The following GLIS3 variants were observed in gnomAD, a reference collection of about 807,000 sequenced individuals.
GLIS3 encodes zinc finger protein GLIS3.
GLIS3 carries 53 observed loss-of-function variants against 78.6 expected under a neutral mutation model. The observed-to-expected ratio is 0.67, with a 90% CI of 0.54 to 0.85. The LOEUF is 0.85. GLIS3 is among the 40% of genes least tolerant of loss of function. GLIS3 has a pLI of 0.00. For synonymous variants in GLIS3, 684 were observed against 509.9 expected, an observed-to-expected ratio of 1.34 and a Z score of -4.60; for missense variants, 1,703 against 1,231.1, an observed-to-expected ratio of 1.38 and a Z score of -5.74.
chr9:4,327,112 G>T (rs1479118526), intron 2 of GLIS3, among the ~76,000 whole-genome samples: 1 of 152,214 alleles, frequency 6.6e-6, no homozygotes, highest in Non-Finnish European at 1.5e-5. Context: ...AAGTGGGACA[G>T]GAGCTGAGAG....
chr9:3,988,085 G>A (rs372164978), intron 4 of GLIS3, among the ~76,000 whole-genome samples: 141 of 152,092 alleles, frequency 9.3e-4, no homozygotes, highest in African/African-American at 3.4e-3. Flanking sequence ...GCTAATGACT[G>A]GGCTTTTTAA....
chr9:4,118,700 T>C lies in GLIS3; in HGVS notation c.778A>G (p.Met260Val), dbSNP rs1831938525. The change falls in exon 4 of 11, where the codon ATG becomes GTG. Residue 260 changes from methionine to valine, a missense_variant. Transcript: ENST00000381971. This position sits in a 1 kb window ranked among gnomAD's most constrained non-coding sequence, Gnocchi z 4.7. The stretch of plus-strand genomic sequence containing the variant: ...GAGTTAGAGACACTATTGCTGGACA[T>C]GGATGTCCCGGGAGGAAGGCTAAGG... Reference protein sequence around the residue: ...DLLSLPPGTSMSSNSVSNSLP... With the variant: ...DLLSLPPGTSVSSNSVSNSLP... The C allele has an allele frequency of 1.2e-6, 2 of 1,613,890 alleles. No homozygotes were observed. Among genetic ancestry groups the C allele is most frequent in the Admixed American group, 3.3e-5 (2 of 59,992 alleles).
At chr9:4,012,767 T>TTTTCA in intron 4 of GLIS3, among the ~76,000 whole-genome samples, 1 of 122,956 alleles carries the variant, frequency 8.1e-6, no homozygotes, top group African/African-American at 4.0e-5. Context: ...TTCTTTTTCT[T>TTTTCA]TTTTTTTTTT....
At chr9:4,387,830 A>G in the GLIS3 span, among the ~76,000 whole-genome samples, 2 of 152,242 alleles carry the variant, frequency 1.3e-5, no homozygotes, top group South Asian at 4.1e-4. Context: ...CTTTCACAAG[A>G]GAATTTAAAA....
Position 4,286,522 on chromosome 9 carries a change from G to A in GLIS3, c.-97C>T. On this transcript the variant is annotated splice_region_variant and 5_prime_UTR_variant, in exon 2 of 11. Transcript: ENST00000381971. ...AAGTTATCCATGGTGTGGGTTATAA[G>A]CCTGTTTAAAAAAATAAACGCAGGC... is the stretch of plus-strand genomic sequence containing the variant. The A allele has an allele frequency of 6.9e-7, 1 of 1,445,008 alleles. No individual in the cohort carries two copies. Among genetic ancestry groups the A allele is most frequent in the South Asian group, 1.2e-5 (1 of 84,882 alleles). The allele number at this position is 1,445,008 out of a possible 1,614,324, so 89.5% of individuals were successfully genotyped here.
intron 9 of GLIS3, among the ~76,000 whole-genome samples, chr9:3,831,764 G>C (rs899019427): frequency 1.3e-5 from 2 of 152,174 alleles, no homozygotes; most frequent in South Asian, 4.1e-4. Context: ...GTACATTTAT[G>C]TGATGGGAAT....
chr9:4,290,931 A>C (rs1485057959), intron 1 of GLIS3, among the ~76,000 whole-genome samples: 1 of 152,150 alleles, frequency 6.6e-6, no homozygotes, highest in Non-Finnish European at 1.5e-5. Flanking sequence ...ATATTATGAT[A>C]TGATAACCCA....
the GLIS3 span, among the ~76,000 whole-genome samples, chr9:4,477,873 G>A: frequency 1.3e-5 from 2 of 152,080 alleles, no homozygotes; most frequent in South Asian, 2.1e-4. Flanking sequence ...AATTCATTAT[G>A]TATATTATAC....
At position 4,259,244 on chromosome 9, in the gene GLIS3, C is replaced by CTTTT. The variant is rs751630404; in HGVS notation, c.388+26793_388+26794insAAAA. Among the ~76,000 whole-genome samples, 624 of 151,462 alleles carry CTTTT rather than the reference C, an allele frequency of 4.1e-3. 6 individuals carry two copies. The highest frequency in any genetic ancestry group is 0.014 in the African/African-American group (566 of 41,240). On this transcript the variant is annotated intron_variant, in intron 2 of 10. Coordinates refer to ENST00000381971, the MANE Select transcript of GLIS3 (RefSeq NM_001042413.2). ...GGTCAGGGTCTCCAGTTGCTCATTT[C>CTTTT]ATTTATTTATTTATTTATTTATTTA...
intron 8 of GLIS3, among the ~76,000 whole-genome samples, chr9:3,875,142 T>A (rs1225501995): frequency 6.6e-6 from 1 of 152,234 alleles, no homozygotes; most frequent in Non-Finnish European, 1.5e-5. Flanking sequence ...CCAAAGACGC[T>A]GAGTTCCTCT....
At chr9:4,382,348 T>C in the GLIS3 span, among the ~76,000 whole-genome samples, 2 of 152,218 alleles carry the variant, frequency 1.3e-5, no homozygotes, top group Non-Finnish European at 2.9e-5. Context: ...TTGAACAGTA[T>C]GTGTAGGGAA....
intron 4 of GLIS3, among the ~76,000 whole-genome samples, chr9:3,985,742 G>A (rs1371957264): frequency 9.2e-5 from 14 of 152,182 alleles, no homozygotes; most frequent in Non-Finnish European, 1.8e-4. Context: ...ATCTAAGATT[G>A]GGAAAGAAGT....
chr9:4,050,633 G>A (rs951696330), intron 4 of GLIS3, among the ~76,000 whole-genome samples: 50 of 152,088 alleles, frequency 3.3e-4, no homozygotes, highest in African/African-American at 1.1e-3. Context: ...AATCTTCCGA[G>A]GAATGTTTGA....
chr9:4,190,549 C>T (rs1818238790), intron 2 of GLIS3, among the ~76,000 whole-genome samples: 1 of 143,902 alleles, frequency 6.9e-6, no homozygotes, highest in South Asian at 2.6e-4. Flanking sequence ...ACCAAGTCTA[C>T]GTCTGATTGG....
At chr9:4,277,085 C>T (rs568869540) in intron 2 of GLIS3, among the ~76,000 whole-genome samples, 52 of 152,204 alleles carry the variant, frequency 3.4e-4, no homozygotes, top group African/African-American at 1.2e-3. Flanking sequence ...ATATTAACTG[C>T]ATCTCTTCAA....
At chr9:4,088,103 C>G (rs914349164) in intron 4 of GLIS3, among the ~76,000 whole-genome samples, 1 of 152,076 alleles carries the variant, frequency 6.6e-6, no homozygotes, top group African/African-American at 2.4e-5. Context: ...GTCTTCAACC[C>G]CAACATAACC....
the GLIS3 span, among the ~76,000 whole-genome samples, chr9:4,404,110 C>T: frequency 0.033 from 4,962 of 152,198 alleles, 125 homozygotes; most frequent in Middle Eastern, 0.061. Flanking sequence ...AAGACAAAAA[C>T]TGTAAGAAGA....
chr9:4,298,913 C>T (rs557733326), intron 1 of GLIS3, among the ~76,000 whole-genome samples: 17 of 152,224 alleles, frequency 1.1e-4, no homozygotes, highest in Admixed American at 3.3e-4. Flanking sequence ...TCCACAAACA[C>T]GTGGAACTTG....
chr9:4,304,264 T>A (rs1817170124), upstream of GLIS3, among the ~76,000 whole-genome samples: 1 of 152,234 alleles, frequency 6.6e-6, no homozygotes, highest in Admixed American at 6.5e-5. Flanking sequence ...TTGTTATCAA[T>A]GTCAGATGAG....
Sources: allele counts gnomAD v4.1 joint callset (sites outside exome capture counted in the v4.1 genomes callset), GRCh38; gene constraint gnomAD v4.1.1; non-coding constraint Gnocchi (gnomAD v3.1); transcripts MANE v1.5; gene names NCBI Gene and HGNC (gene_info 2026-07-23, HGNC 2026-07-21).